HIVEP3: variants seen among roughly 807,000 people sequenced by gnomAD.
HIVEP3 encodes HIVEP zinc finger 3.
A neutral mutation model predicts 152.8 loss-of-function variants in HIVEP3; 49 were observed. That is an observed-to-expected ratio of 0.32 (90% CI 0.26 to 0.41). The LOEUF (loss-of-function observed/expected upper bound fraction) is 0.41. Among genes scored for constraint, HIVEP3 ranks in the 10% least tolerant of loss-of-function variants. The pLI is 1.00. For missense variants in HIVEP3, 2,790 were observed against 3,103.3 expected, an observed-to-expected ratio of 0.90 and a Z score of 2.40; for synonymous variants, 1,269 against 1,289.0, an observed-to-expected ratio of 0.98 and a Z score of 0.33.
chr1:41,638,130 C>A (rs889860557), intron 2 of HIVEP3, among the ~76,000 whole-genome samples: 3 of 151,992 alleles, frequency 2.0e-5, no homozygotes, highest in African/African-American at 7.3e-5. Context: ...GACGGTTGTA[C>A]TAAAAACCCA....
chr1:41,659,884 G>A (rs1645685907), intron 2 of HIVEP3, among the ~76,000 whole-genome samples: 1 of 152,228 alleles, frequency 6.6e-6, no homozygotes, highest in African/African-American at 2.4e-5. Context: ...TGGGGACACG[G>A]GGACAAGGGG....
intron 1 of HIVEP3, among the ~76,000 whole-genome samples, chr1:41,946,009 G>A (rs1645072848): frequency 6.6e-6 from 1 of 152,106 alleles, no homozygotes; most frequent in South Asian, 2.1e-4. Flanking sequence ...AGGAGAAGCA[G>A]GCGGAACGGG....
intron 3 of HIVEP3, among the ~76,000 whole-genome samples, chr1:41,611,888 G>A (rs532787610): frequency 6.6e-6 from 1 of 152,300 alleles, no homozygotes; most frequent in East Asian, 1.9e-4. Context: ...GGTTGCCTGA[G>A]GTCGGCTCAC....
intron 1 of HIVEP3, among the ~76,000 whole-genome samples, chr1:41,801,714 G>A (rs866568568): frequency 2.0e-5 from 3 of 151,736 alleles, no homozygotes; most frequent in South Asian, 2.1e-4. Context: ...ACTGCACTCC[G>A]GCCTGGGGCA....
intron 1 of HIVEP3, among the ~76,000 whole-genome samples, chr1:41,855,496 A>C (rs185408322): frequency 1.3e-5 from 2 of 152,206 alleles, no homozygotes; most frequent in Admixed American, 6.5e-5. Flanking sequence ...AACTCAAACA[A>C]ATTTACAAGA....
At chr1:41,539,003 GT>G (rs1278153262) in intron 5 of HIVEP3, among the ~76,000 whole-genome samples, 2 of 152,194 alleles carry the variant, frequency 1.3e-5, no homozygotes, top group African/African-American at 2.4e-5. Context: ...TCTGGATTGC[GT>G]TGGTTTTCAG....
intron 1 of HIVEP3, among the ~76,000 whole-genome samples, chr1:41,846,811 C>G (rs888136542): frequency 6.6e-6 from 1 of 152,202 alleles, no homozygotes; most frequent in Non-Finnish European, 1.5e-5. Flanking sequence ...CTTGCAACAG[C>G]GGCTCCTCCA....
At chr1:41,928,926 G>T (rs1401588253) in intron 1 of HIVEP3, among the ~76,000 whole-genome samples, 1 of 152,126 alleles carries the variant, frequency 6.6e-6, no homozygotes, top group Non-Finnish European at 1.5e-5. Context: ...CAGGAGGATT[G>T]CTTGAGCAAC....
chr1:41,860,089 T>G (rs1350007622), intron 1 of HIVEP3, among the ~76,000 whole-genome samples: 2 of 152,160 alleles, frequency 1.3e-5, no homozygotes, highest in African/African-American at 4.8e-5. Context: ...GGCTTGCGGA[T>G]CAACAACTGG....
At chr1:41,577,607 A>T (rs1460405885) in intron 4 of HIVEP3, among the ~76,000 whole-genome samples, 1 of 152,246 alleles carries the variant, frequency 6.6e-6, no homozygotes. Flanking sequence ...AAACAAAAAC[A>T]TCATGGGGTG....
intron 1 of HIVEP3, among the ~76,000 whole-genome samples, chr1:41,856,860 G>A (rs901493855): frequency 3.3e-5 from 5 of 152,150 alleles, no homozygotes; most frequent in African/African-American, 4.8e-5. Context: ...AACACAGCCC[G>A]TGTGGGATGC....
At chr1:41,902,737 T>C (rs1486854821) in intron 1 of HIVEP3, among the ~76,000 whole-genome samples, 1 of 152,208 alleles carries the variant, frequency 6.6e-6, no homozygotes, top group Non-Finnish European at 1.5e-5. Flanking sequence ...GAGTTTTTTA[T>C]GGATTACCCT....
intron 1 of HIVEP3, among the ~76,000 whole-genome samples, chr1:41,714,435 C>T (rs1296356259): frequency 6.6e-6 from 1 of 152,212 alleles, no homozygotes; most frequent in East Asian, 1.9e-4. Context: ...CAGATACTGT[C>T]ACCTCTAATG....
intron 5 of HIVEP3, among the ~76,000 whole-genome samples, chr1:41,572,248 C>A (rs1644261152): frequency 6.6e-6 from 1 of 152,308 alleles, no homozygotes; most frequent in South Asian, 2.1e-4. Flanking sequence ...CCAGATGTAG[C>A]AATGTCGGCA....
intron 1 of HIVEP3, among the ~76,000 whole-genome samples, chr1:41,968,049 G>C (rs2124502339): frequency 6.6e-6 from 1 of 152,216 alleles, no homozygotes; most frequent in African/African-American, 2.4e-5. Flanking sequence ...AATTGAGGCA[G>C]TAATAAATAG....
chr1:41,675,171 TG>T (rs1645936195), intron 2 of HIVEP3, among the ~76,000 whole-genome samples: 1 of 152,172 alleles, frequency 6.6e-6, no homozygotes, highest in African/African-American at 2.4e-5. Flanking sequence ...GGCTTCCTTC[TG>T]CTATTAAGAC....
chr1:41,593,313 TG>T (rs1403524654), intron 3 of HIVEP3, among the ~76,000 whole-genome samples: 2 of 152,184 alleles, frequency 1.3e-5, no homozygotes, highest in African/African-American at 4.8e-5. Context: ...ATCTGCGACT[TG>T]TTTTTTTTCT....
At chr1:41,692,196 A>AAT (rs1272093807) in intron 2 of HIVEP3, among the ~76,000 whole-genome samples, 1 of 152,236 alleles carries the variant, frequency 6.6e-6, no homozygotes, top group Non-Finnish European at 1.5e-5. Flanking sequence ...AGGCTGAATG[A>AAT]GGCGACCTTC....
At chr1:41,624,528 G>C (rs1645089800) in intron 3 of HIVEP3, among the ~76,000 whole-genome samples, 1 of 152,166 alleles carries the variant, frequency 6.6e-6, no homozygotes. Flanking sequence ...GAAGAGTGGA[G>C]CTCTTCACTG....
Sources: gnomAD v4.1 joint callset for allele counts (sites outside exome capture counted in the v4.1 genomes callset) on GRCh38, gnomAD v4.1.1 for gene constraint, MANE v1.5 for transcripts, NCBI Gene and HGNC (gene_info 2026-07-23, HGNC 2026-07-21) for gene names.